The following CDIP1 variants were observed in gnomAD, a reference collection of about 807,000 sequenced individuals.
CDIP1 encodes cell death inducing p53 target 1.
Under a neutral mutation model 17.7 loss-of-function variants are expected in CDIP1, and 9 were observed. That is an observed-to-expected ratio of 0.51 (90% CI 0.31 to 0.89). The LOEUF is 0.89. CDIP1 is among the 40% of genes least tolerant of loss of function. The pLI, the probability that CDIP1 is intolerant of heterozygous loss-of-function variation, is 0.05. For missense variants in CDIP1, 263 were observed against 277.9 expected, an observed-to-expected ratio of 0.95 and a Z score of 0.38; for synonymous variants, 117 against 109.5, an observed-to-expected ratio of 1.07 and a Z score of -0.43.
At chr16:4,515,813 C>G (rs1040544340) in intron 1 of CDIP1, among the ~76,000 whole-genome samples, 9 of 152,182 alleles carry the variant, frequency 5.9e-5, no homozygotes, top group Non-Finnish European at 1.2e-4. Flanking sequence ...GGGACAGCCC[C>G]TGCAAACCTT....
chr16:4,516,574 G>A (rs976040568), intron 1 of CDIP1, among the ~76,000 whole-genome samples: 7 of 151,660 alleles, frequency 4.6e-5, no homozygotes, highest in Non-Finnish European at 1.0e-4. Flanking sequence ...GGCTGGTCTC[G>A]AACTCCTGGC....
At chr16:4,524,139 CCTCT>C (rs745721035) in intron 1 of CDIP1, 119 of 152,422 alleles carry the variant, frequency 7.8e-4, no homozygotes, top group Non-Finnish European at 1.3e-3. Flanking sequence ...AATTCCTCAA[CCTCT>C]CTGAGCCTCA....
intron 1 of CDIP1, among the ~76,000 whole-genome samples, chr16:4,521,375 AC>A (rs1420749879): frequency 2.0e-5 from 3 of 152,214 alleles, no homozygotes; most frequent in Non-Finnish European, 4.4e-5. Flanking sequence ...AGGAACCCCC[AC>A]TAGAAGTTAA....
chr16:4,530,210 C>T (rs1276493118), intron 1 of CDIP1, among the ~76,000 whole-genome samples: 3 of 152,220 alleles, frequency 2.0e-5, no homozygotes, highest in Non-Finnish European at 4.4e-5. Context: ...TTGTATTTTA[C>T]ACTACATTAG....
At chr16:4,520,108 A>T (rs1350438190) in intron 1 of CDIP1, among the ~76,000 whole-genome samples, 1 of 149,984 alleles carries the variant, frequency 6.7e-6, no homozygotes, top group Non-Finnish European at 1.5e-5. Context: ...AAGACTTGAC[A>T]AGTGGTAGGT....
chr16:4,530,442 G>A (rs2059043715), intron 1 of CDIP1, among the ~76,000 whole-genome samples: 2 of 152,038 alleles, frequency 1.3e-5, no homozygotes, highest in African/African-American at 4.8e-5. Flanking sequence ...TTGAGGTCGG[G>A]AGTTCGAAAC....
chr16:4,536,217 G>T (rs1046857644), intron 1 of CDIP1, among the ~76,000 whole-genome samples: 16 of 152,204 alleles, frequency 1.1e-4, no homozygotes, highest in African/African-American at 2.9e-4. Context: ...TCAAAGTGGA[G>T]ACAAATTTTC....
rs148156426 is a variant in CDIP1, at chr16:4,523,197, G to A, written c.-104-8533C>T. 2.6e-3 allele frequency among the ~76,000 whole-genome samples: 403 copies of A among 152,260 alleles called. 3 individuals carry two copies. The highest frequency in any genetic ancestry group is 9.0e-3 in the African/African-American group (373 of 41,560). ...CTGATAGTTACTCAGCACATCCTCC[G>A]TGCCAGATACAGGCTGGGGATTAAA... is the stretch of plus-strand genomic sequence containing the variant. On this transcript the variant is annotated intron_variant, in intron 1 of 5. Transcript: ENST00000567695.
chr16:4,529,569 A>G (rs945333961), intron 1 of CDIP1, among the ~76,000 whole-genome samples: 5 of 152,230 alleles, frequency 3.3e-5, no homozygotes, highest in African/African-American at 7.2e-5. Flanking sequence ...CAAGTGAATA[A>G]ACAAGTCATC....
chr16:4,525,014 T>C (rs544186747), intron 1 of CDIP1, among the ~76,000 whole-genome samples: 52 of 152,142 alleles, frequency 3.4e-4, no homozygotes, highest in Admixed American at 6.5e-4. Context: ...GGCGGGAGGA[T>C]TGTTCTAGCC....
At chr16:4,535,744 C>T (rs1277917267) in intron 1 of CDIP1, among the ~76,000 whole-genome samples, 1 of 152,250 alleles carries the variant, frequency 6.6e-6, no homozygotes, top group Non-Finnish European at 1.5e-5. Context: ...GTTCAGGAGC[C>T]ACCAGACCAG....
In CDIP1 at chr16:4,513,149, C is replaced by A; in HGVS notation, c.242-85G>T. On this transcript the variant is annotated intron_variant, in intron 4 of 5. Transcript: ENST00000567695. This position sits in a 1 kb window ranked among gnomAD's most constrained non-coding sequence, Gnocchi z 4.1. ...AGAGATTGGCGCAAAGCCCCACGGT[C>A]CACAGCGCCCAGCGTGCAAGGCTAC... 1.5e-6 allele frequency: 2 copies of A among 1,342,662 alleles called. No homozygotes were observed. The highest frequency in any genetic ancestry group is 2.0e-6 in the Non-Finnish European group (2 of 1,006,308). The allele number at this position is 1,342,662 out of a possible 1,614,324, so 83.2% of individuals were successfully genotyped here.
Position 4,514,219 on chromosome 16 carries a change from G to T in CDIP1, c.-14-75C>A. 2.4e-6 allele frequency: 2 copies of T among 824,458 alleles called. No individual in the cohort carries two copies. The highest frequency in any genetic ancestry group is 3.8e-6 in the Non-Finnish European group (2 of 531,074). The allele number at this position is 824,458 out of a possible 1,614,324, so 51.1% of individuals were successfully genotyped here. A position where few individuals can be genotyped will look rare whatever the true frequency, so the allele number is the denominator to read the frequency against. On this transcript the variant is annotated intron_variant, in intron 2 of 5. Transcript: ENST00000567695. This position sits in a 1 kb window ranked among gnomAD's most constrained non-coding sequence, Gnocchi z 5.2. ...CCTTCTCCTTCAGCCCTGTGGGGTG[G>T]CCAAGATGCTGCACAAGGCGTGTGA... is the stretch of plus-strand genomic sequence containing the variant.
At chr16:4,535,111 G>A (rs770282676) in intron 1 of CDIP1, among the ~76,000 whole-genome samples, 68 of 152,070 alleles carry the variant, frequency 4.5e-4, no homozygotes, top group Non-Finnish European at 4.4e-5. Flanking sequence ...GGCAGCTCTC[G>A]CACTCTTCTC....
At position 4,513,959 on chromosome 16, in the gene CDIP1, G is replaced by T; in HGVS notation, c.85+87C>A. On this transcript the variant is annotated intron_variant, in intron 3 of 5. Transcript: ENST00000567695. This position sits in a 1 kb window ranked among gnomAD's most constrained non-coding sequence, Gnocchi z 4.1. ...CAGATGGGGCCCAGGGGTAACCCTG[G>T]AGTGGGCATCACCACTTAGAGAGTC... 1 of 1,356,246 alleles carries T rather than the reference G, an allele frequency of 7.4e-7. No individual in the cohort carries two copies. The highest frequency in any genetic ancestry group is 2.5e-5 in the East Asian group (1 of 40,038). 84.0% of individuals were successfully genotyped at this position (1,356,246 alleles called of 1,614,324 possible).
intron 1 of CDIP1, among the ~76,000 whole-genome samples, chr16:4,526,498 G>C (rs1299978063): frequency 6.6e-6 from 1 of 151,778 alleles, no homozygotes; most frequent in African/African-American, 2.4e-5. Context: ...AGGAGATTGA[G>C]GCCATCCTGG....
rs530309506 is a variant in CDIP1 at position 4,515,410 on chromosome 16, T to TAG, written c.-104-748_-104-747dup. On this transcript the variant is annotated intron_variant, in intron 1 of 5. Coordinates refer to ENST00000567695, the MANE Select transcript of CDIP1 (RefSeq NM_013399.3). ...GGCATCAATCTTTATGACCTTCGATTAGGCAGTGGTTTCTTAGATATGACA... is the reference window on the plus strand; with the variant it reads ...GGCATCAATCTTTATGACCTTCGATTAGAGGCAGTGGTTTCTTAGATATGACA... Among the ~76,000 whole-genome samples, 15 of 152,332 alleles carry TAG rather than the reference T, an allele frequency of 9.8e-5. No individual in the cohort carries two copies. The East Asian group carries it at 2.7e-3, about 27-fold the overall frequency.
chr16:4,538,678 T>G (rs1003791006), intron 1 of CDIP1, 24 bp downstream of exon 1: 1 of 152,186 alleles, frequency 6.6e-6, no homozygotes, highest in South Asian at 2.1e-4. Flanking sequence ...CGAAGCCGTC[T>G]CCGAATGCGT....
In CDIP1 at chr16:4,513,863, GA is replaced by G. The variant is rs753484904; in HGVS notation, c.86-13del. ...TGGGGAGGAACGGCCTGGACAGAGA[GA>G]GGCAGAAAGAGGAGACTGAGCTGGA... On this transcript the variant is annotated splice_polypyrimidine_tract_variant and intron_variant, in intron 3 of 5. Coordinates refer to ENST00000567695, the MANE Select transcript of CDIP1 (RefSeq NM_013399.3). This position sits in a 1 kb window ranked among gnomAD's most constrained non-coding sequence, Gnocchi z 4.1. 5.3e-5 allele frequency: 82 copies of G among 1,546,530 alleles called. No homozygotes were observed. The South Asian group carries it at 9.6e-4, about 18-fold the overall frequency.
Sources: gnomAD v4.1 joint callset for allele counts (sites outside exome capture counted in the v4.1 genomes callset) on GRCh38, gnomAD v4.1.1 for gene constraint, Gnocchi (gnomAD v3.1) non-coding constraint, MANE v1.5 for transcripts, NCBI Gene and HGNC (gene_info 2026-07-23, HGNC 2026-07-21) for gene names.